DSG1: variants seen among roughly 807,000 people sequenced by gnomAD.
The protein encoded by DSG1 is desmoglein 1.
Under a neutral mutation model 97.5 loss-of-function variants are expected in DSG1, and 39 were observed. The ratio of observed to expected loss-of-function variants is 0.40; its 90% CI spans 0.31 to 0.52. The LOEUF is 0.52. Ranked by LOEUF, DSG1 falls within the 20% of genes least tolerant of loss-of-function variation. The pLI is 0.53. For synonymous variants in DSG1, 475 were observed against 443.4 expected (o/e 1.07, Z -0.90); for missense variants, 1,311 against 1,295.4 (o/e 1.01, Z -0.18).
chr18:31,338,648 A>G (rs1160111444), intron 10 of DSG1, among the ~76,000 whole-genome samples, 194 bp downstream of exon 10: 1 of 152,156 alleles, frequency 6.6e-6, no homozygotes, highest in African/African-American at 2.4e-5. Flanking sequence ...CTGAAATGAG[A>G]CTAGATTTGT....
intron 1 of DSG1, among the ~76,000 whole-genome samples, chr18:31,322,039 C>A (rs556394411): frequency 3.9e-5 from 6 of 152,320 alleles, no homozygotes; most frequent in African/African-American, 1.4e-4. Flanking sequence ...TTAGACAGAT[C>A]AAATTTTTTT....
intron 1 of DSG1, among the ~76,000 whole-genome samples, chr18:31,323,710 T>G (rs943938590): frequency 3.3e-5 from 5 of 152,116 alleles, no homozygotes; most frequent in Non-Finnish European, 5.9e-5. Flanking sequence ...GTGACCATCT[T>G]TATGTCCTCC....
intron 14 of DSG1, among the ~76,000 whole-genome samples, chr18:31,352,942 G>A (rs964485963): frequency 2.8e-5 from 4 of 140,766 alleles, no homozygotes; most frequent in Non-Finnish European, 6.3e-5. Context: ...AGAGTAATTT[G>A]ATCGTCTGAA....
chr18:31,337,319 C>T (rs1216663939), intron 9 of DSG1, among the ~76,000 whole-genome samples: 3 of 152,080 alleles, frequency 2.0e-5, no homozygotes, highest in Non-Finnish European at 4.4e-5. Context: ...TGCAGTGGCA[C>T]GATCCCGGTT....
chr18:31,350,382 G>T (rs2071884458), intron 14 of DSG1, among the ~76,000 whole-genome samples: 1 of 110,792 alleles, frequency 9.0e-6, no homozygotes, highest in Non-Finnish European at 1.8e-5. Context: ...GTATTTTATT[G>T]AGGATTTTTG....
At chr18:31,344,524 T>C (rs2071815653) in intron 13 of DSG1, among the ~76,000 whole-genome samples, 1 of 152,326 alleles carries the variant, frequency 6.6e-6, no homozygotes, top group African/African-American at 2.4e-5. Flanking sequence ...ATCACAAATA[T>C]TACCTAAAAA....
chr18:31,353,255 G>A (rs1193423955), intron 14 of DSG1, among the ~76,000 whole-genome samples: 2 of 150,926 alleles, frequency 1.3e-5, no homozygotes, highest in Admixed American at 6.6e-5. Flanking sequence ...TGCCCCTGCT[G>A]GGGGGTGCCT....
chr18:31,341,928 G>GT lies in DSG1; in HGVS notation c.1688-1515dup, dbSNP rs938963750. On this transcript the variant is annotated intron_variant, in intron 11 of 14. Transcript: ENST00000257192. ...TTTTCTGGGTTTTTTTTGTTCTTTT[G>GT]TTTTTTTGTTTTTTTGTTTTTTTTT... 8.9e-4 allele frequency among the ~76,000 whole-genome samples: 105 copies of GT among 117,558 alleles called. 1 individual carries two copies. Among genetic ancestry groups the GT allele is most frequent in the Admixed American group, 8.2e-3 (104 of 12,756 alleles). The allele number at this position is 117,558 out of a possible 152,430, so 77.1% of individuals were successfully genotyped here. A position where few individuals can be genotyped will look rare whatever the true frequency, so the allele number is the denominator to read the frequency against.
chr18:31,326,634 C>T lies in DSG1; in HGVS notation c.84+18C>T. 3 of 1,590,318 alleles carry T rather than the reference C, an allele frequency of 1.9e-6. No individual in the cohort carries two copies. The highest frequency in any genetic ancestry group is 2.6e-6 in the Non-Finnish European group (3 of 1,159,744). ...GAATCCAGGTAATATATAACAAATC[C>T]ATTTTTCCAAATTTTTAAACAAGAA... On this transcript the variant is annotated intron_variant, in intron 2 of 14. Coordinates refer to ENST00000257192, the MANE Select transcript of DSG1 (RefSeq NM_001942.4).
chr18:31,329,025 C>A (rs189270897), intron 4 of DSG1, among the ~76,000 whole-genome samples: 82 of 152,244 alleles, frequency 5.4e-4, no homozygotes, highest in Non-Finnish European at 1.1e-3. Context: ...CTGAGGCCAT[C>A]CATCACAAAC....
Position 31,329,177 on chromosome 18 carries a change from C to T in DSG1, c.373-715C>T, listed in dbSNP as rs16961646. ...TTGCCACTTACTTGGAGAATCATTCCATCACCTCTGTTTTCTGTCTCCCTT... is the reference window on the plus strand; with the variant it reads ...TTGCCACTTACTTGGAGAATCATTCTATCACCTCTGTTTTCTGTCTCCCTT... On this transcript the variant is annotated intron_variant, in intron 4 of 14. Coordinates refer to ENST00000257192, the MANE Select transcript of DSG1 (RefSeq NM_001942.4). 5.1e-3 allele frequency among the ~76,000 whole-genome samples: 776 copies of T among 152,114 alleles called. 6 individuals are homozygous for T. The highest frequency in any genetic ancestry group is 0.018 in the African/African-American group (748 of 41,496).
At chr18:31,320,669 C>T (rs998589274) in intron 1 of DSG1, among the ~76,000 whole-genome samples, 1 of 152,306 alleles carries the variant, frequency 6.6e-6, no homozygotes, top group Admixed American at 6.5e-5. Flanking sequence ...GTTAATTCTG[C>T]ATCTATTTTT....
At chr18:31,326,020 A>G (rs1281661452) in intron 1 of DSG1, among the ~76,000 whole-genome samples, 1 of 152,078 alleles carries the variant, frequency 6.6e-6, no homozygotes, top group Admixed American at 6.5e-5. Flanking sequence ...TTAATATTAG[A>G]TACACAATGG....
At chr18:31,344,610 T>C (rs955344417) in intron 13 of DSG1, among the ~76,000 whole-genome samples, 4 of 152,194 alleles carry the variant, frequency 2.6e-5, no homozygotes, top group African/African-American at 9.6e-5. Context: ...TCAACTGAGA[T>C]TGTGTGCACA....
At position 31,358,765 on chromosome 18, in the gene DSG1, T is replaced by G. The variant is rs1424744405; in HGVS notation, c.*3419T>G. On this transcript the variant is annotated 3_prime_UTR_variant, in exon 15 of 15. Coordinates refer to ENST00000257192, the MANE Select transcript of DSG1 (RefSeq NM_001942.4). ...TGCCTATTTCATAAATTCCAACTTT[T>G]TTTTTTACAATTTCTGGATTTTTAA... Among the ~76,000 whole-genome samples, 1 of 152,102 alleles carries G rather than the reference T, an allele frequency of 6.6e-6. No homozygotes were observed. Among genetic ancestry groups the G allele is most frequent in the African/African-American group, 2.4e-5 (1 of 41,464 alleles).
rs764202727 is a variant in DSG1, at chr18:31,346,208, C to G, written c.2100+10C>G. The G allele has an allele frequency of 1.4e-5, 23 of 1,607,662 alleles. No individual in the cohort carries two copies. The South Asian group carries it at 2.3e-4, about 16-fold the overall frequency. On this transcript the variant is annotated intron_variant, in intron 14 of 14. Transcript: ENST00000257192. ...AAGCTACTTCTGTCAGGTAAGGTCC[C>G]TAGCCACATGCCTTTCTCGCCATCC...
chr18:31,342,779 A>G (rs1429785898), intron 11 of DSG1, among the ~76,000 whole-genome samples: 1 of 152,234 alleles, frequency 6.6e-6, no homozygotes, highest in Non-Finnish European at 1.5e-5. Context: ...GGAGGAGAGA[A>G]CACAAAGGAT....
chr18:31,355,123 G>C lies in DSG1; in HGVS notation c.2927G>C (p.Ser976Thr), dbSNP rs1289679477. 1.2e-6 allele frequency: 2 copies of C among 1,613,318 alleles called. No individual in the cohort carries two copies. The highest frequency in any genetic ancestry group is 1.3e-5 in the African/African-American group (1 of 74,922). Reference sequence around the variant, plus strand: ...ACTGGGATCAGCGGTGGCATAGGCAGCAGTGGCCTGGTTGGCACCAGCATG... The same window carrying C: ...ACTGGGATCAGCGGTGGCATAGGCACCAGTGGCCTGGTTGGCACCAGCATG... ...GTTGISGGIG[S>T]SGLVGTSMGA... Residue 976 changes from serine to threonine, a missense_variant, in exon 15 of 15, where the codon AGC becomes ACC. Transcript: ENST00000257192.
intron 11 of DSG1, among the ~76,000 whole-genome samples, chr18:31,342,149 A>T (rs2144105215): frequency 6.6e-6 from 1 of 151,996 alleles, no homozygotes; most frequent in Admixed American, 6.6e-5. Context: ...GGCCAGGATG[A>T]TCTCGATCTC....
Sources: allele counts gnomAD v4.1 joint callset (sites outside exome capture counted in the v4.1 genomes callset), GRCh38; gene constraint gnomAD v4.1.1; transcripts MANE v1.5; gene names NCBI Gene and HGNC (gene_info 2026-07-23, HGNC 2026-07-21).